IL1RAPL1: variants seen among roughly 807,000 people sequenced by gnomAD.
IL1RAPL1 encodes the protein interleukin-1 receptor accessory protein-like 1.
IL1RAPL1 carries 3 observed loss-of-function variants against 48.4 expected under a neutral mutation model. The observed-to-expected ratio is 0.06, with a 90% CI of 0.03 to 0.16. IL1RAPL1 has a LOEUF of 0.16. Among genes scored for constraint, IL1RAPL1 ranks in the 10% least tolerant of loss-of-function variants. The probability of loss-of-function intolerance (pLI) is 1.00; values close to 1 mark genes in which losing one functional copy is unlikely to be tolerated. For missense variants in IL1RAPL1, 349 were observed against 530.6 expected (o/e 0.66, Z 3.36); for synonymous variants, 185 against 187.7 (o/e 0.99, Z 0.12).
chrX:29,602,005 C>T (rs866925050), intron 5 of IL1RAPL1, among the ~76,000 whole-genome samples: 1 of 111,349 alleles, frequency 9.0e-6, no homozygotes, highest in African/African-American at 3.3e-5. Context: ...TTTTTTGAGA[C>T]GGAGTCTCAC....
At chrX:29,530,538 G>A (rs144139146) in intron 5 of IL1RAPL1, among the ~76,000 whole-genome samples, 1 of 111,936 alleles carries the variant, frequency 8.9e-6, no homozygotes. Context: ...ACCCCCATCG[G>A]TCATTGACTG....
rs772766760 is a variant in IL1RAPL1, at chrX:28,971,810, A to G, written c.82+182385A>G. Among the ~76,000 whole-genome samples the G allele has an allele frequency of 2.8e-5, 3 of 107,988 alleles. No individual in the cohort carries two copies. The South Asian group carries it at 1.3e-3, about 46-fold the overall frequency. 93.8% of individuals were successfully genotyped at this position (107,988 alleles called of 115,157 possible). ...TAAGTGGACCCATCTGTATTTGGGG[A>G]TGAGGGGGAGGTCATACACGGGGCT... is the stretch of plus-strand genomic sequence containing the variant. On this transcript the variant is annotated intron_variant, in intron 2 of 10. Coordinates refer to ENST00000378993, the MANE Select transcript of IL1RAPL1 (RefSeq NM_014271.4).
intron 5 of IL1RAPL1, among the ~76,000 whole-genome samples, chrX:29,450,331 A>C (rs949910484): frequency 5.3e-5 from 6 of 112,218 alleles, no homozygotes; most frequent in Non-Finnish European, 1.1e-4. Context: ...ACACACATAC[A>C]TTCCCAACTA....
At chrX:29,414,697 A>G (rs1221240239) in intron 5 of IL1RAPL1, among the ~76,000 whole-genome samples, 1 of 112,011 alleles carries the variant, frequency 8.9e-6, no homozygotes, top group East Asian at 2.8e-4. Flanking sequence ...GAAAAATATC[A>G]TATCAAAGAT....
intron 6 of IL1RAPL1, among the ~76,000 whole-genome samples, chrX:29,774,663 A>G (rs1929150597): frequency 9.0e-6 from 1 of 111,721 alleles, no homozygotes; most frequent in Non-Finnish European, 1.9e-5. Flanking sequence ...TAAACTAGAA[A>G]TGCATTCCCA....
chrX:28,895,022 T>C (rs113177241), intron 2 of IL1RAPL1, among the ~76,000 whole-genome samples: 37 of 110,960 alleles, frequency 3.3e-4, no homozygotes, highest in African/African-American at 1.2e-3. Flanking sequence ...CTGAGCCTGA[T>C]GGGTGTCAGG....
chrX:29,691,750 C>CAAAA (rs761236508), intron 6 of IL1RAPL1, among the ~76,000 whole-genome samples: 37 of 17,597 alleles, frequency 2.1e-3, no homozygotes, highest in African/African-American at 9.2e-3. Flanking sequence ...GACTCCGTCT[C>CAAAA]AAAAAAAAAA....
chrX:28,893,163 G>A (rs771824521), intron 2 of IL1RAPL1, among the ~76,000 whole-genome samples: 1 of 111,301 alleles, frequency 9.0e-6, no homozygotes, highest in South Asian at 3.9e-4. Flanking sequence ...TCTGGTGTCT[G>A]GAATGAGACT....
intron 2 of IL1RAPL1, among the ~76,000 whole-genome samples, chrX:29,212,808 G>A (rs767039621): frequency 4.5e-5 from 5 of 112,047 alleles, no homozygotes; most frequent in South Asian, 3.7e-4. Flanking sequence ...ACTGAAAGAG[G>A]ATCATGATAT....
At chrX:28,852,615 C>A (rs1921691666) in intron 2 of IL1RAPL1, among the ~76,000 whole-genome samples, 1 of 111,695 alleles carries the variant, frequency 9.0e-6, no homozygotes, top group African/African-American at 3.3e-5. Context: ...AATTTTTACA[C>A]ATGGAAATAA....
At chrX:28,984,943 C>T (rs1279384475) in intron 2 of IL1RAPL1, among the ~76,000 whole-genome samples, 1 of 111,730 alleles carries the variant, frequency 9.0e-6, no homozygotes, top group Non-Finnish European at 1.9e-5. Flanking sequence ...AGTAGGAGCA[C>T]CTCAAGGCAA....
chrX:29,785,025 A>C (rs187740870), intron 6 of IL1RAPL1, among the ~76,000 whole-genome samples: 1 of 112,546 alleles, frequency 8.9e-6, no homozygotes, highest in East Asian at 2.8e-4. Context: ...CAGGATAATA[A>C]GTTCCTGCAT....
At chrX:29,499,308 G>A (rs1935247304) in intron 5 of IL1RAPL1, among the ~76,000 whole-genome samples, 1 of 112,149 alleles carries the variant, frequency 8.9e-6, no homozygotes, top group African/African-American at 3.2e-5. Context: ...CACAGATTCA[G>A]TGTTAACGGA....
chrX:29,221,359 G>T (rs1251391214), intron 2 of IL1RAPL1, among the ~76,000 whole-genome samples: 1 of 110,827 alleles, frequency 9.0e-6, no homozygotes, highest in Non-Finnish European at 1.9e-5. Flanking sequence ...AAGATCAATG[G>T]AATGAAGGCA....
chrX:29,950,740 A>T (rs1159495612), intron 9 of IL1RAPL1, among the ~76,000 whole-genome samples: 1 of 104,397 alleles, frequency 9.6e-6, no homozygotes, highest in African/African-American at 3.6e-5. Flanking sequence ...GCAGTGGTGC[A>T]GTCTCGGCTC....
At chrX:29,777,990 T>C (rs1279830457) in intron 6 of IL1RAPL1, among the ~76,000 whole-genome samples, 1 of 109,551 alleles carries the variant, frequency 9.1e-6, no homozygotes, top group African/African-American at 3.4e-5. Flanking sequence ...AATAATAGTA[T>C]TCATTTATAC....
At chrX:29,639,546 T>C (rs1250329517) in intron 5 of IL1RAPL1, among the ~76,000 whole-genome samples, 6 of 1,177 alleles carry the variant, frequency 5.1e-3, no homozygotes, top group Admixed American at 0.012. Flanking sequence ...TAATTAAAAG[T>C]TTTTTTTTTT....
intron 2 of IL1RAPL1, among the ~76,000 whole-genome samples, chrX:28,991,763 C>A (rs915677188): frequency 2.7e-5 from 3 of 112,309 alleles, no homozygotes; most frequent in Non-Finnish European, 3.8e-5. Context: ...TTTAAAATAA[C>A]ATTTTTCAAA....
At chrX:28,687,270 A>G (rs1013147719) in intron 1 of IL1RAPL1, among the ~76,000 whole-genome samples, 1 of 111,727 alleles carries the variant, frequency 9.0e-6, no homozygotes, top group Non-Finnish European at 1.9e-5. Context: ...AATGATAACA[A>G]TAATAGTATT....
Sources: gnomAD v4.1 joint callset for allele counts (sites outside exome capture counted in the v4.1 genomes callset) on GRCh38, gnomAD v4.1.1 for gene constraint, MANE v1.5 for transcripts, NCBI Gene and HGNC (gene_info 2026-07-23, HGNC 2026-07-21) for gene names.